Variants in LTAP1 observed in about 807,000 individuals in gnomAD.
LTAP1 encodes the protein HCV NS5A-transactivated protein 4.
chr1:154,213,169 T>C, the LTAP1 span: 1 of 153,996 alleles, frequency 6.5e-6, no homozygotes, highest in Non-Finnish European at 1.4e-5. Context: ...TAACCAGGCA[T>C]GGTGGTAGGT....
chr1:154,214,709 C>G, the LTAP1 span: 3 of 610,358 alleles, frequency 4.9e-6, no homozygotes, highest in Non-Finnish European at 8.6e-6. Flanking sequence ...ATAAAATTAC[C>G]AGATAAGAGG....
At chr1:154,215,575 A>G in the LTAP1 span, among the ~76,000 whole-genome samples, 1 of 151,802 alleles carries the variant, frequency 6.6e-6, no homozygotes, top group African/African-American at 2.4e-5. Context: ...AAAAAAAAAA[A>G]AAAGATACTA....
chr1:154,212,425 C>G, the LTAP1 span: 2 of 1,614,068 alleles, frequency 1.2e-6, no homozygotes, highest in African/African-American at 1.3e-5. Flanking sequence ...TCTGAGGGAT[C>G]TCTTTAGTGC....
At chr1:154,211,754 T>G in the LTAP1 span, 1 of 153,826 alleles carries the variant, frequency 6.5e-6, no homozygotes, top group Non-Finnish European at 1.4e-5. Flanking sequence ...TACACCAATT[T>G]TGACATTTTA....
At chr1:154,219,115 A>G in the LTAP1 span, among the ~76,000 whole-genome samples, 1 of 152,234 alleles carries the variant, frequency 6.6e-6, no homozygotes, top group Admixed American at 6.5e-5. Context: ...GCGAAAGACT[A>G]AAGAAGCAGA....
chr1:154,219,564 A>C, the LTAP1 span, among the ~76,000 whole-genome samples: 2 of 152,190 alleles, frequency 1.3e-5, no homozygotes, highest in African/African-American at 4.8e-5. Context: ...GCTGGGAAAT[A>C]TTTTACTACA....
the LTAP1 span, among the ~76,000 whole-genome samples, chr1:154,210,823 AT>A: frequency 1.3e-5 from 2 of 148,564 alleles, no homozygotes; most frequent in Non-Finnish European, 2.9e-5. Flanking sequence ...AAGAACTTTG[AT>A]TTTAACATTT....
chr1:154,209,349 G>C, the LTAP1 span, among the ~76,000 whole-genome samples: 111 of 151,030 alleles, frequency 7.3e-4, no homozygotes, highest in Non-Finnish European at 1.4e-3. Flanking sequence ...TTTTGAACAG[G>C]CTTCTGCTGA....
At chr1:154,220,088 G>T in the LTAP1 span, 2 of 754,370 alleles carry the variant, frequency 2.7e-6, no homozygotes, top group East Asian at 5.4e-5. Flanking sequence ...CCGTTATGAT[G>T]GGGGTGGATC....
chr1:154,217,832 C>T, the LTAP1 span, among the ~76,000 whole-genome samples: 8 of 152,090 alleles, frequency 5.3e-5, no homozygotes, highest in Non-Finnish European at 1.0e-4. Flanking sequence ...TTTTGAGATT[C>T]ATGTTTGCAA....
chr1:154,212,574 TC>T, the LTAP1 span: 1 of 1,614,200 alleles, frequency 6.2e-7, no homozygotes, highest in Non-Finnish European at 8.5e-7. Flanking sequence ...GAGCGGAAAT[TC>T]TTGCCCATTA....
chr1:154,218,638 A>G, the LTAP1 span, among the ~76,000 whole-genome samples: 5 of 152,350 alleles, frequency 3.3e-5, no homozygotes, highest in East Asian at 9.6e-4. Context: ...ATTCAGCAAC[A>G]AATTACAGAG....
the LTAP1 span, chr1:154,206,801 T>A: frequency 6.4e-6 from 1 of 156,192 alleles, no homozygotes; most frequent in African/African-American, 2.4e-5. Context: ...AAACCATTCC[T>A]TCCTACTGTC....
the LTAP1 span, chr1:154,212,680 A>G: frequency 9.4e-6 from 15 of 1,592,906 alleles, no homozygotes; most frequent in African/African-American, 1.9e-4. Flanking sequence ...TTTTTTTTTG[A>G]GATGGAGTCT....
chr1:154,211,695 A>T, the LTAP1 span: 1 of 152,424 alleles, frequency 6.6e-6, no homozygotes, highest in African/African-American at 2.4e-5. Flanking sequence ...TGAGACTCTG[A>T]AGAGAAGGAA....
chr1:154,212,641 A>G, the LTAP1 span: 3 of 1,613,194 alleles, frequency 1.9e-6, no homozygotes, highest in African/African-American at 4.0e-5. Context: ...AGAAAACAGC[A>G]CAATGATATC....
At chr1:154,217,003 G>A in the LTAP1 span, among the ~76,000 whole-genome samples, 3 of 150,470 alleles carry the variant, frequency 2.0e-5, no homozygotes, top group Non-Finnish European at 4.4e-5. Flanking sequence ...AGGCTGGAGT[G>A]CAATGGTGTG....
At chr1:154,215,505 G>A in the LTAP1 span, among the ~76,000 whole-genome samples, 2 of 151,052 alleles carry the variant, frequency 1.3e-5, no homozygotes, top group East Asian at 2.0e-4. Context: ...GGCAGAGCTT[G>A]CAGTGAGCCG....
chr1:154,212,067 G>C, the LTAP1 span: 4,067 of 442,432 alleles, frequency 9.2e-3, 117 homozygotes, highest in African/African-American at 0.076. Flanking sequence ...ATGTTGGTCA[G>C]GCTGGTCTCG....
Sources: allele counts gnomAD v4.1 joint callset (sites outside exome capture counted in the v4.1 genomes callset), GRCh38; gene constraint gnomAD v4.1.1; transcripts MANE v1.5; gene names NCBI Gene and HGNC (gene_info 2026-07-23, HGNC 2026-07-21).